The following GRID1 variants were observed in gnomAD, a reference collection of about 807,000 sequenced individuals.
GRID1 encodes glutamate receptor ionotropic, delta-1.
In GRID1, 28 loss-of-function variants were observed where a neutral mutation model predicts 98.0. The ratio of observed to expected loss-of-function variants is 0.29; its 90% CI spans 0.21 to 0.39. The LOEUF is 0.39. Among genes scored for constraint, GRID1 ranks in the 10% least tolerant of loss-of-function variants. GRID1 has a pLI of 1.00. For missense variants in GRID1, 1,111 were observed against 1,340.5 expected (o/e 0.83, Z 2.67); for synonymous variants, 553 against 538.5 (o/e 1.03, Z -0.37).
At chr10:85,763,792 A>C (rs969020956) in intron 8 of GRID1, among the ~76,000 whole-genome samples, 2 of 152,232 alleles carry the variant, frequency 1.3e-5, no homozygotes, top group African/African-American at 4.8e-5. Context: ...AATCAGTGTT[A>C]CTACAGACAA....
At chr10:86,149,583 A>C (rs575129530) in intron 3 of GRID1, among the ~76,000 whole-genome samples, 1 of 152,390 alleles carries the variant, frequency 6.6e-6, no homozygotes, top group East Asian at 1.9e-4. Context: ...ATTTTAAATA[A>C]TCAGGCTGGA....
chr10:86,015,911 G>C (rs1029797152), intron 4 of GRID1, among the ~76,000 whole-genome samples: 15 of 152,142 alleles, frequency 9.9e-5, no homozygotes, highest in Admixed American at 5.9e-4. Context: ...TAAGGACCAT[G>C]ATGGGGCTGT....
At chr10:86,100,375 C>G (rs1323214727) in intron 4 of GRID1, among the ~76,000 whole-genome samples, 3 of 151,976 alleles carry the variant, frequency 2.0e-5, no homozygotes, top group Non-Finnish European at 4.4e-5. Context: ...CAAATATCTA[C>G]TGAGCATTTT....
intron 2 of GRID1, among the ~76,000 whole-genome samples, chr10:86,295,177 A>G (rs1461172637): frequency 1.3e-5 from 2 of 152,210 alleles, no homozygotes; most frequent in African/African-American, 2.4e-5. Context: ...GCGGCAGAGG[A>G]GACGCAGAGG....
chr10:86,068,352 T>C (rs1034854402), intron 4 of GRID1, among the ~76,000 whole-genome samples: 2 of 152,114 alleles, frequency 1.3e-5, no homozygotes, highest in South Asian at 2.1e-4. Context: ...TGAAAATATA[T>C]ACCAGACTGA....
At chr10:86,165,476 G>A (rs1374604775) in intron 3 of GRID1, among the ~76,000 whole-genome samples, 2 of 152,192 alleles carry the variant, frequency 1.3e-5, no homozygotes, top group Non-Finnish European at 2.9e-5. Context: ...GCCTCCTGGA[G>A]ACAGAGGGCT....
intron 8 of GRID1, among the ~76,000 whole-genome samples, chr10:85,736,784 G>A (rs1021140364): frequency 5.3e-5 from 8 of 152,070 alleles, no homozygotes; most frequent in South Asian, 2.1e-4. Flanking sequence ...TTGGACATTC[G>A]GCCAGCACTG....
intron 2 of GRID1, among the ~76,000 whole-genome samples, chr10:86,293,548 A>G (rs763124105): frequency 6.6e-6 from 1 of 152,184 alleles, no homozygotes; most frequent in Non-Finnish European, 1.5e-5. Context: ...TCTGCATATT[A>G]CATTTCAAAC....
chr10:86,173,910 AT>A lies in GRID1; in HGVS notation c.520+32453del, dbSNP rs926665304. Among the ~76,000 whole-genome samples the A allele has an allele frequency of 1.9e-3, 293 of 150,688 alleles. 3 individuals carry two copies. The East Asian group carries it at 0.027, about 14-fold the overall frequency. On this transcript the variant is annotated intron_variant, in intron 3 of 15. Transcript: ENST00000327946. ...TCCCTACAAAGGACATGAACTCATC[AT>A]TTTTTTTTGGCTGCATAGTATTCCA... is the stretch of plus-strand genomic sequence containing the variant.
intron 4 of GRID1, among the ~76,000 whole-genome samples, chr10:86,027,463 A>G (rs1217821680): frequency 6.6e-6 from 1 of 152,368 alleles, no homozygotes; most frequent in Middle Eastern, 3.4e-3. Flanking sequence ...ATTTCATTGT[A>G]TGGATATGCC....
chr10:85,987,726 C>A (rs61856002), intron 4 of GRID1, among the ~76,000 whole-genome samples: 8,460 of 151,562 alleles, frequency 0.056, 298 homozygotes, highest in Middle Eastern at 0.092. Flanking sequence ...TCCTCCCATG[C>A]CAGTGCCCTT....
intron 4 of GRID1, among the ~76,000 whole-genome samples, chr10:85,971,477 T>C (rs559620596): frequency 6.0e-5 from 9 of 150,176 alleles, no homozygotes; most frequent in African/African-American, 2.0e-4. Flanking sequence ...TTAAAAATTA[T>C]CCTGTAAATC....
chr10:86,087,889 G>A (rs1303575148), intron 4 of GRID1, among the ~76,000 whole-genome samples: 1 of 152,090 alleles, frequency 6.6e-6, no homozygotes, highest in African/African-American at 2.4e-5. Flanking sequence ...TCTGGGTCAG[G>A]CCCCTATAGT....
chr10:86,187,115 T>C (rs1354843064), intron 3 of GRID1, among the ~76,000 whole-genome samples: 1 of 152,152 alleles, frequency 6.6e-6, no homozygotes, highest in Non-Finnish European at 1.5e-5. Flanking sequence ...TGGGTTGTGG[T>C]AGGAAAAGTA....
chr10:85,766,620 C>T (rs1842199757), intron 8 of GRID1, among the ~76,000 whole-genome samples: 1 of 152,134 alleles, frequency 6.6e-6, no homozygotes, highest in Non-Finnish European at 1.5e-5. Flanking sequence ...TCTTGCTCTT[C>T]TCTCTATGGG....
chr10:85,805,967 A>C (rs534253969), intron 8 of GRID1, among the ~76,000 whole-genome samples: 21 of 151,978 alleles, frequency 1.4e-4, no homozygotes, highest in African/African-American at 5.1e-4. Context: ...AAAGATTGAT[A>C]AATTGGACCC....
At chr10:85,968,876 A>C (rs1842372253) in intron 4 of GRID1, among the ~76,000 whole-genome samples, 1 of 152,208 alleles carries the variant, frequency 6.6e-6, no homozygotes, top group Non-Finnish European at 1.5e-5. Context: ...AAATGAATTA[A>C]ATACTCCAAT....
rs1403695016 is a variant in GRID1 at position 85,821,535 on chromosome 10, A to AGCAAAC, written c.1233+32960_1233+32961insGTTTGC. ...TCATCTCAAAAAAAAAAAAAAAAAA[A>AGCAAAC]AAAAAAAAAAGAAAACAGATCAATA... On this transcript the variant is annotated intron_variant, in intron 8 of 15. Coordinates refer to ENST00000327946, the MANE Select transcript of GRID1 (RefSeq NM_017551.3). 3.6e-4 allele frequency among the ~76,000 whole-genome samples: 32 copies of AGCAAAC among 89,694 alleles called. 2 individuals are homozygous for AGCAAAC. The highest frequency in any genetic ancestry group is 9.0e-4 in the African/African-American group (20 of 22,178). The allele number at this position is 89,694 out of a possible 152,430, so 58.8% of individuals were successfully genotyped here.
intron 5 of GRID1, among the ~76,000 whole-genome samples, chr10:85,899,298 C>T (rs541518478): frequency 6.6e-6 from 1 of 152,318 alleles, no homozygotes; most frequent in East Asian, 1.9e-4. Flanking sequence ...ACCACATTTT[C>T]TGTATCCATT....
Sources: gnomAD v4.1 joint callset for allele counts (sites outside exome capture counted in the v4.1 genomes callset) on GRCh38, gnomAD v4.1.1 for gene constraint, MANE v1.5 for transcripts, NCBI Gene and HGNC (gene_info 2026-07-23, HGNC 2026-07-21) for gene names.